Variants in SLCO2A1 observed in about 807,000 individuals in gnomAD.
SLCO2A1 encodes the protein matrin F/G 1.
SLCO2A1 carries 60 observed loss-of-function variants against 71.7 expected under a neutral mutation model. The observed-to-expected ratio is 0.84, with a 90% confidence interval of 0.68 to 1.04. The LOEUF (loss-of-function observed/expected upper bound fraction) is 1.04. Ranked by LOEUF, SLCO2A1 falls within the 50% of genes least tolerant of loss-of-function variation. The pLI, the probability that SLCO2A1 is intolerant of heterozygous loss-of-function variation, is 0.00. For missense variants in SLCO2A1, 745 were observed against 813.4 expected (o/e 0.92, Z 1.02); for synonymous variants, 308 against 326.7 (o/e 0.94, Z 0.62).
intron 1 of SLCO2A1, among the ~76,000 whole-genome samples, chr3:134,008,694 G>A (rs1435571289): frequency 2.0e-5 from 3 of 152,174 alleles, no homozygotes; most frequent in Admixed American, 2.0e-4. Context: ...TCTCCAGGAT[G>A]TTTGGCCAAA....
chr3:134,024,853 T>C (rs1188253999), intron 1 of SLCO2A1, among the ~76,000 whole-genome samples: 2 of 152,112 alleles, frequency 1.3e-5, no homozygotes, highest in East Asian at 3.9e-4. Flanking sequence ...CCATTGAAGT[T>C]TGCAACACCC....
chr3:133,980,973 C>T (rs1178989830), intron 1 of SLCO2A1, among the ~76,000 whole-genome samples: 1 of 152,268 alleles, frequency 6.6e-6, no homozygotes, highest in Admixed American at 6.5e-5. Flanking sequence ...CACTCCACCC[C>T]TGCCATGCTA....
chr3:133,950,007 AT>A lies in SLCO2A1; in HGVS notation c.862-1037del, dbSNP rs201670936. ...CATGCTGAGCTAAGTTTTTAAAATA[AT>A]TTTTTTTTTAGAGATGGGGTCTCGC... On this transcript the variant is annotated intron_variant, in intron 6 of 13. Coordinates refer to ENST00000310926, the MANE Select transcript of SLCO2A1 (RefSeq NM_005630.3). Among the ~76,000 whole-genome samples the A allele has an allele frequency of 2.2e-3, 322 of 149,544 alleles. 1 individual carries two copies. Among genetic ancestry groups the A allele is most frequent in the African/African-American group, 7.3e-3 (297 of 40,788 alleles).
intron 3 of SLCO2A1, 23 bp from the exon 4 acceptor site, chr3:133,955,216 T>C: frequency 6.3e-7 from 1 of 1,595,812 alleles, no homozygotes; most frequent in South Asian, 1.1e-5. Context: ...TGCTTGCTGG[T>C]CTCCACCACC....
intron 2 of SLCO2A1, 152 bp downstream of exon 2, chr3:133,979,329 C>G (rs1195124111): frequency 2.0e-6 from 2 of 1,005,234 alleles, no homozygotes; most frequent in African/African-American, 3.2e-5. Context: ...ACTGTGCCCA[C>G]TGGATCTTTG....
intron 1 of SLCO2A1, among the ~76,000 whole-genome samples, chr3:134,004,221 C>G (rs569712406): frequency 6.6e-6 from 1 of 152,180 alleles, no homozygotes; most frequent in African/African-American, 2.4e-5. Flanking sequence ...TCCCCAGAAC[C>G]TGTAAATAAA....
At chr3:134,027,719 C>A (rs1935726959) in intron 1 of SLCO2A1, among the ~76,000 whole-genome samples, 1 of 152,224 alleles carries the variant, frequency 6.6e-6, no homozygotes, top group South Asian at 2.1e-4. Context: ...TACAAGCACT[C>A]TCATTGGGAG....
intron 1 of SLCO2A1, among the ~76,000 whole-genome samples, chr3:133,999,535 C>T (rs750915371): frequency 3.2e-4 from 48 of 152,222 alleles, no homozygotes; most frequent in Non-Finnish European, 7.3e-5. Context: ...AGATGAGGCA[C>T]ATGCACAAAA....
At chr3:133,994,622 C>T (rs576790265) in intron 1 of SLCO2A1, among the ~76,000 whole-genome samples, 10 of 152,332 alleles carry the variant, frequency 6.6e-5, no homozygotes, top group East Asian at 3.9e-4. Context: ...GCCCATCTTC[C>T]GCCATGTCTC....
intron 3 of SLCO2A1, 21 bp downstream of exon 3, chr3:133,973,642 C>CAG (rs1934380128): frequency 6.2e-7 from 1 of 1,611,416 alleles, no homozygotes; most frequent in Non-Finnish European, 8.5e-7. Flanking sequence ...CCCCTTGAGG[C>CAG]AGGGGTTGGA....
chr3:134,012,339 C>A (rs1183161363), intron 1 of SLCO2A1, among the ~76,000 whole-genome samples: 1 of 152,140 alleles, frequency 6.6e-6, no homozygotes, highest in East Asian at 1.9e-4. Flanking sequence ...CTGGGGAACA[C>A]ACATGGAAGG....
intron 1 of SLCO2A1, among the ~76,000 whole-genome samples, chr3:134,027,532 C>G (rs756889542): frequency 6.6e-6 from 1 of 152,224 alleles, no homozygotes; most frequent in East Asian, 1.9e-4. Context: ...ATTGCTCACT[C>G]GGGGAGCTCA....
At chr3:134,000,209 C>G (rs994107331) in intron 1 of SLCO2A1, among the ~76,000 whole-genome samples, 6 of 152,122 alleles carry the variant, frequency 3.9e-5, no homozygotes, top group Non-Finnish European at 5.9e-5. Flanking sequence ...AGGGAGGCAG[C>G]TTGAGGCTGT....
At chr3:133,966,868 CCTTGGGGATG>C (rs1236992002) in intron 3 of SLCO2A1, among the ~76,000 whole-genome samples, 1 of 152,202 alleles carries the variant, frequency 6.6e-6, no homozygotes, top group East Asian at 1.9e-4. Context: ...TCCCTGTCTC[CCTTGGGGATG>C]CTTGGGGACC....
At position 133,951,262 on chromosome 3, in the gene SLCO2A1, A is replaced by G. The variant is rs757116774; in HGVS notation, c.807T>C (p.Val269=). 2 of 1,614,134 alleles carry G rather than the reference A, an allele frequency of 1.2e-6. No homozygotes were observed. Among genetic ancestry groups the G allele is most frequent in the South Asian group, 2.2e-5 (2 of 91,076 alleles). ...AGAAAAAAAAGGGGAAAGAGGTGAG[A>G]ACCAATAAAGCTGAAGAAATGAGCA... ...LGLLISSALL[V]LTSFPFFFFP... is the part of the protein sequence containing the mutation. Residue 269 remains valine, a synonymous_variant, in exon 6 of 14, where the codon GTT becomes GTC. Coordinates refer to ENST00000310926, the MANE Select transcript of SLCO2A1 (RefSeq NM_005630.3).
At chr3:133,986,135 T>A (rs1490996258) in intron 1 of SLCO2A1, among the ~76,000 whole-genome samples, 1 of 152,264 alleles carries the variant, frequency 6.6e-6, no homozygotes, top group Non-Finnish European at 1.5e-5. Context: ...TTTTATTATA[T>A]GTAAACTAGA....
rs1933192832 is a variant in SLCO2A1 at position 133,933,507 on chromosome 3, T to C, written c.*1206A>G. The C allele has an allele frequency of 6.6e-6, 1 of 152,256 alleles. No individual in the cohort carries two copies. The highest frequency in any genetic ancestry group is 2.4e-5 in the African/African-American group (1 of 41,450). The allele number at this position is 152,256 out of a possible 1,614,324, so 9.4% of individuals were successfully genotyped here. ...TTTGTTGATGAATGACCTCCTTCGT[T>C]GGCTTCTGTCTCTCAACATCTATCA... On this transcript the variant is annotated 3_prime_UTR_variant, in exon 14 of 14. Coordinates refer to ENST00000310926, the MANE Select transcript of SLCO2A1 (RefSeq NM_005630.3).
intron 12 of SLCO2A1, among the ~76,000 whole-genome samples, chr3:133,936,944 G>A (rs553903059): frequency 2.4e-4 from 36 of 152,138 alleles, no homozygotes; most frequent in Non-Finnish European, 4.4e-4. Context: ...TTTAAAACCT[G>A]TAATAGGAAG....
chr3:134,029,815 C>G lies in SLCO2A1; in HGVS notation c.-13G>C, dbSNP rs774153488. 2 of 1,411,934 alleles carry G rather than the reference C, an allele frequency of 1.4e-6. No homozygotes were observed. The highest frequency in any genetic ancestry group is 3.0e-5 in the African/African-American group (2 of 66,950). The allele number at this position is 1,411,934 out of a possible 1,614,324, so 87.5% of individuals were successfully genotyped here. A position where few individuals can be genotyped will look rare whatever the true frequency, so the allele number is the denominator to read the frequency against. ...GCAGGAGCCCCATGGCTGCGGGCGGCTGGCCGGGCGCGGAGTGGCGCGGGG... is the reference window on the plus strand; with the variant it reads ...GCAGGAGCCCCATGGCTGCGGGCGGGTGGCCGGGCGCGGAGTGGCGCGGGG... On this transcript the variant is annotated 5_prime_UTR_variant, in exon 1 of 14. Coordinates refer to ENST00000310926, the MANE Select transcript of SLCO2A1 (RefSeq NM_005630.3).
Sources: gnomAD v4.1 joint callset for allele counts (sites outside exome capture counted in the v4.1 genomes callset) on GRCh38, gnomAD v4.1.1 for gene constraint, MANE v1.5 for transcripts, NCBI Gene and HGNC (gene_info 2026-07-23, HGNC 2026-07-21) for gene names.